SIRT3: variants seen among roughly 807,000 people sequenced by gnomAD.
SIRT3 encodes NAD-dependent protein deacetylase sirtuin-3, mitochondrial.
Under a neutral mutation model 33.5 loss-of-function variants are expected in SIRT3, and 26 were observed. The ratio of observed to expected loss-of-function variants is 0.78; its 90% CI spans 0.57 to 1.08. The LOEUF (loss-of-function observed/expected upper bound fraction) is 1.08. SIRT3 is among the 50% of genes least tolerant of loss of function. The pLI is 0.00. For synonymous variants in SIRT3, 237 were observed against 222.1 expected (o/e 1.07, Z -0.60); for missense variants, 585 against 530.1 (o/e 1.10, Z -1.02).
At chr11:231,236 T>G (rs1033353988) in intron 3 of SIRT3, among the ~76,000 whole-genome samples, 2 of 152,224 alleles carry the variant, frequency 1.3e-5, no homozygotes, top group African/African-American at 4.8e-5. Flanking sequence ...GCCAGGAGTT[T>G]GAGACCAGCC....
intron 2 of SIRT3, 62 bp from the exon 3 acceptor site, chr11:233,277 G>A: frequency 6.2e-7 from 1 of 1,600,510 alleles, no homozygotes; most frequent in Non-Finnish European, 8.5e-7. Context: ...GGAATAAACT[G>A]GGCAGTGGGG....
Position 236,198 on chromosome 11 carries a change from T to A in SIRT3, c.131A>T (p.Asp44Val). ...GCCTCTCAGCCCCGCACTCACATCG[T>A]CCCTGCCGCCAAGCACCAGCCGACA... is the stretch of plus-strand genomic sequence containing the variant. ...CGCRLVLGGRDDVSAGLRGSH... is the reference protein window; with the variant it reads ...CGCRLVLGGRVDVSAGLRGSH... The change falls in exon 1 of 7, where the codon GAC (aspartate) becomes GTC (valine). Residue 44 changes from aspartate to valine, a missense_variant. By Grantham distance (152) the Asp-to-Val change is radical. Coordinates refer to ENST00000382743, the MANE Select transcript of SIRT3 (RefSeq NM_012239.6). 1 of 1,559,678 alleles carries A rather than the reference T, an allele frequency of 6.4e-7. No individual in the cohort carries two copies. Among genetic ancestry groups the A allele is most frequent in the Non-Finnish European group, 8.7e-7 (1 of 1,156,020 alleles).
intron 3 of SIRT3, among the ~76,000 whole-genome samples, chr11:232,321 G>A (rs745628177): frequency 2.0e-5 from 3 of 151,870 alleles, no homozygotes; most frequent in Admixed American, 6.6e-5. Context: ...GTTTTGCCAC[G>A]TTGGCCAGGC....
intron 3 of SIRT3, among the ~76,000 whole-genome samples, chr11:231,069 G>C (rs572821240): frequency 6.6e-6 from 1 of 151,054 alleles, no homozygotes; most frequent in Non-Finnish European, 1.5e-5. Flanking sequence ...AAGTTGCAGT[G>C]AGCTGAGGTC....
chr11:236,242 C>A lies in SIRT3; in HGVS notation c.87G>T (p.Gly29=). 6.4e-7 allele frequency: 1 copy of A among 1,550,452 alleles called. No individual in the cohort carries two copies. Among genetic ancestry groups the A allele is most frequent in the Non-Finnish European group, 8.7e-7 (1 of 1,151,962 alleles). ...GCCGACAGCCGCAGGCCTGAAACGG[C>A]CCCACGCCTCCCCCGGCCTCGACCC... ...VERVEAGGGV[G]PFQACGCRLV... The change falls in exon 1 of 7, where the codon GGG becomes GGT. Residue 29 remains glycine (G), a synonymous_variant. Coordinates refer to ENST00000382743, the MANE Select transcript of SIRT3 (RefSeq NM_012239.6).
intron 6 of SIRT3, 183 bp downstream of exon 6, chr11:218,649 T>C (rs1031211766): frequency 6.3e-6 from 7 of 1,118,114 alleles, no homozygotes; most frequent in Non-Finnish European, 2.5e-6. Flanking sequence ...TGTTTCCTCA[T>C]CTCTAAATGG....
chr11:219,260 C>A (rs1203905641), intron 5 of SIRT3, among the ~76,000 whole-genome samples: 1 of 152,220 alleles, frequency 6.6e-6, no homozygotes. Context: ...CTCTCTCCCA[C>A]TTCTTGCTGT....
upstream of SIRT3, chr11:236,453 G>A (rs1341303342): frequency 3.7e-4 from 218 of 582,044 alleles, 1 homozygote; most frequent in Non-Finnish European, 4.6e-4. Flanking sequence ...CGCCCCCGGC[G>A]CCCCGGTCCC....
chr11:229,022 C>A (rs34366694), intron 4 of SIRT3, among the ~76,000 whole-genome samples: 1 of 152,216 alleles, frequency 6.6e-6, no homozygotes, highest in Non-Finnish European at 1.5e-5. Context: ...TGGGTTACCA[C>A]CTCCCACCCA....
At chr11:234,932 C>T (rs1363095222) in intron 1 of SIRT3, among the ~76,000 whole-genome samples, 1 of 151,834 alleles carries the variant, frequency 6.6e-6, no homozygotes, top group African/African-American at 2.4e-5. Flanking sequence ...GGCTGGAGTG[C>T]AATGGTGCCA....
chr11:236,341 C>G lies in SIRT3; in HGVS notation c.-13G>C. The G allele has an allele frequency of 7.4e-7, 1 of 1,346,496 alleles. No homozygotes were observed. Among genetic ancestry groups the G allele is most frequent in the Non-Finnish European group, 9.6e-7 (1 of 1,041,768 alleles). The allele number at this position is 1,346,496 out of a possible 1,614,324, so 83.4% of individuals were successfully genotyped here. Reference sequence around the variant, plus strand: ...CCCAGAACGCCATGTTCCGCGCAGTCCAAGGAGTCCTCCGGACTCGCCCCG... The same window carrying G: ...CCCAGAACGCCATGTTCCGCGCAGTGCAAGGAGTCCTCCGGACTCGCCCCG... On this transcript the variant is annotated 5_prime_UTR_variant, in exon 1 of 7. Transcript: ENST00000382743.
At position 215,073 on chromosome 11, in the gene SIRT3, A is replaced by C. The variant is rs1855516848; in HGVS notation, c.*1625T>G. The C allele has an allele frequency of 6.5e-6, 1 of 154,766 alleles. No individual in the cohort carries two copies. 9.6% of individuals were successfully genotyped at this position (154,766 alleles called of 1,614,324 possible). A position where few individuals can be genotyped will look rare whatever the true frequency, so the allele number is the denominator to read the frequency against. On this transcript the variant is annotated 3_prime_UTR_variant, in exon 7 of 7. Transcript: ENST00000382743. The stretch of plus-strand genomic sequence containing the variant: ...TATACCACATACCACACATAGCCAC[A>C]GAAACATCATCTTGAAATAAAGAAG...
At position 218,918 on chromosome 11, in the gene SIRT3, C is replaced by A. The variant is rs749317858; in HGVS notation, c.1093G>T (p.Asp365Tyr). The change falls in exon 6 of 7, where the codon GAC becomes TAC. Residue 365 changes from aspartate to tyrosine, a missense_variant. Transcript: ENST00000382743. ...AGGCTTTCCACGCCGTGAACCACGT[C>A]CCCCAGCTGGGCCACGTCCCTGCTG... ...PRSRDVAQLG[D>Y]VVHGVESLVE... 1 of 1,614,072 alleles carries A rather than the reference C, an allele frequency of 6.2e-7. No homozygotes were observed. The highest frequency in any genetic ancestry group is 1.3e-5 in the African/African-American group (1 of 74,922).
chr11:219,790 G>A lies in SIRT3; in HGVS notation c.970-749C>T, dbSNP rs780856702. 7.2e-5 allele frequency among the ~76,000 whole-genome samples: 11 copies of A among 152,106 alleles called. No homozygotes were observed. In the East Asian group the frequency reaches 7.7e-4, roughly 11 times the overall value. ...TTTACAAGTAAGGATAGGGAAGAAC[G>A]TTCTAGGCGTAAAAACTGAAGTCAG... On this transcript the variant is annotated intron_variant, in intron 5 of 6. Coordinates refer to ENST00000382743, the MANE Select transcript of SIRT3 (RefSeq NM_012239.6).
At chr11:235,612 G>A (rs572819955) in intron 1 of SIRT3, among the ~76,000 whole-genome samples, 10 of 152,230 alleles carry the variant, frequency 6.6e-5, no homozygotes, top group African/African-American at 2.2e-4. Flanking sequence ...AACAACCATG[G>A]ACCTTAAGAT....
chr11:217,475 G>A (rs1204683280), intron 6 of SIRT3, among the ~76,000 whole-genome samples: 3 of 152,196 alleles, frequency 2.0e-5, no homozygotes, highest in African/African-American at 7.2e-5. Context: ...TGAAGTTGGA[G>A]CAGGAAAAGG....
intron 4 of SIRT3, chr11:225,764 G>C (rs1857100275): frequency 6.6e-6 from 1 of 152,210 alleles, no homozygotes; most frequent in Non-Finnish European, 1.5e-5. Flanking sequence ...TCAATCAGAG[G>C]TCCCTAAAGA....
At chr11:219,861 T>A (rs1411454052) in intron 5 of SIRT3, among the ~76,000 whole-genome samples, 3 of 152,208 alleles carry the variant, frequency 2.0e-5, no homozygotes, top group African/African-American at 7.2e-5. Flanking sequence ...AATACTATTA[T>A]CTCGGTATCT....
In SIRT3 at chr11:216,313, C is replaced by CA. The variant is rs1855640904; in HGVS notation, c.*384dup. 4.7e-6 allele frequency: 1 copy of CA among 214,560 alleles called. No homozygotes were observed. Among genetic ancestry groups the CA allele is most frequent in the Non-Finnish European group, 9.3e-6 (1 of 107,350 alleles). 13.3% of individuals were successfully genotyped at this position (214,560 alleles called of 1,614,324 possible). A position where few individuals can be genotyped will look rare whatever the true frequency, so the allele number is the denominator to read the frequency against. ...TCGGCCCAAGTCTGGATCTTGTAACCAACAGATGCCGAGCTTGCCGTTCAA... is the reference window on the plus strand; with the variant it reads ...TCGGCCCAAGTCTGGATCTTGTAACCAAACAGATGCCGAGCTTGCCGTTCAA... On this transcript the variant is annotated 3_prime_UTR_variant, in exon 7 of 7. Coordinates refer to ENST00000382743, the MANE Select transcript of SIRT3 (RefSeq NM_012239.6).
Sources: allele counts gnomAD v4.1 joint callset (sites outside exome capture counted in the v4.1 genomes callset), GRCh38; gene constraint gnomAD v4.1.1; transcripts MANE v1.5; gene names NCBI Gene and HGNC (gene_info 2026-07-23, HGNC 2026-07-21).